Variants in KIAA1614 observed in about 807,000 individuals in gnomAD.
The protein encoded by KIAA1614 is KIAA1614.
In KIAA1614, 76 loss-of-function variants were observed where a neutral mutation model predicts 88.7. That is an observed-to-expected ratio of 0.86 (90% confidence interval 0.71 to 1.04). The LOEUF (loss-of-function observed/expected upper bound fraction) is 1.04. KIAA1614 is among the 50% of genes least tolerant of loss of function. The probability of loss-of-function intolerance (pLI) is 0.00; values close to 1 mark genes in which losing one functional copy is unlikely to be tolerated. For missense variants in KIAA1614, 1,553 were observed against 1,582.5 expected, an observed-to-expected ratio of 0.98 and a Z score of 0.32; for synonymous variants, 714 against 675.5, an observed-to-expected ratio of 1.06 and a Z score of -0.88.
chr1:180,917,697 A>G (rs530324006), intron 2 of KIAA1614, among the ~76,000 whole-genome samples, 154 bp from the exon 3 acceptor site: 3 of 152,262 alleles, frequency 2.0e-5, no homozygotes, highest in African/African-American at 7.2e-5. Flanking sequence ...AGTCATCGTG[A>G]CAGGCTCAGC....
intron 6 of KIAA1614, 95 bp downstream of exon 6, chr1:180,938,806 C>A: frequency 2.7e-6 from 3 of 1,111,284 alleles, no homozygotes; most frequent in Admixed American, 2.3e-5. Context: ...GCATGACCCA[C>A]CTCCCTGCCC....
chr1:180,944,219 T>C, intron 7 of KIAA1614, 170 bp from the exon 8 acceptor site: 1 of 609,372 alleles, frequency 1.6e-6, no homozygotes, highest in Non-Finnish European at 2.8e-6. Flanking sequence ...TGTAGACCCA[T>C]GATGTCCTTG....
rs558838331 is a variant in KIAA1614, at chr1:180,934,986, CTTGTGGG to C, written c.1206-125_1206-119del. ...CCCCAGAAATCCTCTCTGGAGTAAC[CTTGTGGG>C]TTGCGGTTGCCACAGAGCACGGTGG... On this transcript the variant is annotated intron_variant, in intron 4 of 8. Transcript: ENST00000367588. 9.9e-4 allele frequency: 596 copies of C among 600,304 alleles called. 2 individuals are homozygous for C. Among genetic ancestry groups the C allele is most frequent in the Admixed American group, 1.3e-3 (30 of 22,966 alleles). The allele number at this position is 600,304 out of a possible 1,614,324, so 37.2% of individuals were successfully genotyped here.
chr1:180,943,038 T>TTGTTGTTTGTTTG (rs1553260087), intron 7 of KIAA1614, among the ~76,000 whole-genome samples: 1 of 149,346 alleles, frequency 6.7e-6, no homozygotes, highest in African/African-American at 2.5e-5. Flanking sequence ...GTTTTTTTTT[T>TTGTTGTTTGTTTG]TTTTTTAAGA....
intron 4 of KIAA1614, among the ~76,000 whole-genome samples, chr1:180,929,958 C>T (rs1367690277): frequency 6.6e-6 from 1 of 152,184 alleles, no homozygotes; most frequent in East Asian, 1.9e-4. Flanking sequence ...GGCTAAGGAC[C>T]TTCATGGAAC....
chr1:180,935,436 G>T lies in KIAA1614; in HGVS notation c.1527G>T (p.Gln509His). The T allele has an allele frequency of 6.8e-7, 1 of 1,479,278 alleles. No individual in the cohort carries two copies. Among genetic ancestry groups the T allele is most frequent in the East Asian group, 2.4e-5 (1 of 42,398 alleles). The allele number at this position is 1,479,278 out of a possible 1,614,324, so 91.6% of individuals were successfully genotyped here. Residue 509 changes from glutamine to histidine, a missense_variant, in exon 5 of 9, where the codon CAG becomes CAT. By Grantham distance (24) the Gln-to-His change is conservative. Coordinates refer to ENST00000367588, the MANE Select transcript of KIAA1614 (RefSeq NM_020950.2). This position sits in a 1 kb window ranked among gnomAD's most constrained non-coding sequence, Gnocchi z 6.1. Reference sequence around the variant, plus strand: ...CTCCCCGGCTCCGGGACGCGGGGCAGGGGACATTCCACAGGCTTGTGGGCA... The same window carrying T: ...CTCCCCGGCTCCGGGACGCGGGGCATGGGACATTCCACAGGCTTGTGGGCA... ...NGAPRLRDAG[Q>H]GTFHRLVGSL...
At chr1:180,917,193 G>A in intron 2 of KIAA1614, 93 bp downstream of exon 2, 2 of 947,244 alleles carry the variant, frequency 2.1e-6, no homozygotes, top group Non-Finnish European at 3.2e-6. Context: ...AGAGGGAGTG[G>A]GGCAGGAAAG....
chr1:180,944,474 T>C lies in KIAA1614; in HGVS notation c.3245T>C (p.Leu1082Pro), dbSNP rs1189018715. 1.2e-6 allele frequency: 2 copies of C among 1,613,904 alleles called. No individual in the cohort carries two copies. The highest frequency in any genetic ancestry group is 3.3e-5 in the Admixed American group (2 of 60,018). ...AGCAGCAAGGGGAACCGGTCCAGCC[T>C]CTACCTGGTAGCAGGGCCAGGGGAC... is the stretch of plus-strand genomic sequence containing the variant. ...LLSSKGNRSS[L>P]YLVAGPGDHS... The change falls in exon 8 of 9, where the codon CTC (leucine) becomes CCC (proline). Residue 1082 changes from leucine (L) to proline (P), a missense_variant. Coordinates refer to ENST00000367588, the MANE Select transcript of KIAA1614 (RefSeq NM_020950.2).
chr1:180,930,788 G>A (rs911108968), intron 4 of KIAA1614, among the ~76,000 whole-genome samples: 6 of 152,256 alleles, frequency 3.9e-5, no homozygotes, highest in Non-Finnish European at 8.8e-5. Flanking sequence ...ACTTGGCAGC[G>A]CTGGCGAATC....
At chr1:180,941,001 T>TGC in intron 6 of KIAA1614, 44 bp from the exon 7 acceptor site, 4 of 385,872 alleles carry the variant, frequency 1.0e-5, no homozygotes, top group Non-Finnish European at 1.6e-5. Flanking sequence ...CTGGCCACCC[T>TGC]CCCGGCCCTC....
Position 180,928,428 on chromosome 1 carries a change from A to C in KIAA1614, c.1062-2A>C. ...CACCCTGGCCTGTGTGCCACGCTGCAGGACCGTTGGTCCCAACCCGGAGCC... is the reference window on the plus strand; with the variant it reads ...CACCCTGGCCTGTGTGCCACGCTGCCGGACCGTTGGTCCCAACCCGGAGCC... On this transcript the variant is annotated splice_acceptor_variant, in intron 3 of 8. Transcript: ENST00000367588. LOFTEE classifies it high-confidence loss of function. The C allele has an allele frequency of 6.2e-7, 1 of 1,610,388 alleles. No homozygotes were observed. Among genetic ancestry groups the C allele is most frequent in the Non-Finnish European group, 8.5e-7 (1 of 1,178,076 alleles).
At position 180,913,127 on chromosome 1, in the gene KIAA1614, G is replaced by A; in HGVS notation, c.-117G>A. On this transcript the variant is annotated 5_prime_UTR_variant, in exon 1 of 9. Coordinates refer to ENST00000367588, the MANE Select transcript of KIAA1614 (RefSeq NM_020950.2). ...CCCAGTCGGCCGCGCCCCGAGGGGC[G>A]AGGCCTGCGGGCCGCACTCCCTCCG... 1 of 765,942 alleles carries A rather than the reference G, an allele frequency of 1.3e-6. No homozygotes were observed. 47.4% of individuals were successfully genotyped at this position (765,942 alleles called of 1,614,324 possible). A position where few individuals can be genotyped will look rare whatever the true frequency, so the allele number is the denominator to read the frequency against.
intron 3 of KIAA1614, 194 bp from the exon 4 acceptor site, chr1:180,928,236 C>A (rs1654111823): frequency 1.6e-6 from 1 of 626,476 alleles, no homozygotes; most frequent in Non-Finnish European, 2.6e-6. Flanking sequence ...CACGCAGGGC[C>A]ATTTCCCAGC....
At position 180,913,279 on chromosome 1, in the gene KIAA1614, G is replaced by C. The variant is rs925265232; in HGVS notation, c.36G>C (p.Ala12=). Residue 12 remains alanine (A), a synonymous_variant, in exon 1 of 9, where the codon GCG becomes GCC. Transcript: ENST00000367588. Reference sequence around the variant, plus strand: ...CAGAGGCGGCGGCGGCCAAACCCGCGGGCGGCAGCCCCCAGTGAGTATAGA... The same window carrying C: ...CAGAGGCGGCGGCGGCCAAACCCGCCGGCGGCAGCCCCCAGTGAGTATAGA... ...EGTEAAAAKP[A]GGSPQGPKTG... 3 of 1,258,586 alleles carry C rather than the reference G, an allele frequency of 2.4e-6. No individual in the cohort carries two copies. The African/African-American group carries it at 4.7e-5, about 20-fold the overall frequency. 78.0% of individuals were successfully genotyped at this position (1,258,586 alleles called of 1,614,324 possible).
At chr1:180,939,310 T>G (rs1401799675) in intron 6 of KIAA1614, among the ~76,000 whole-genome samples, 1 of 152,232 alleles carries the variant, frequency 6.6e-6, no homozygotes, top group African/African-American at 2.4e-5. Flanking sequence ...TAGCACCATC[T>G]GCTCTCCAGA....
At chr1:180,914,723 G>T (rs1165233713) in intron 1 of KIAA1614, among the ~76,000 whole-genome samples, 1 of 151,406 alleles carries the variant, frequency 6.6e-6, no homozygotes, top group African/African-American at 2.4e-5. Context: ...CTAATTTTTT[G>T]TATTTTTTAT....
At chr1:180,922,491 A>G (rs1653977798) in intron 3 of KIAA1614, among the ~76,000 whole-genome samples, 2 of 151,986 alleles carry the variant, frequency 1.3e-5, no homozygotes, top group Non-Finnish European at 2.9e-5. Flanking sequence ...TGGGGGGTAA[A>G]AACTCCCTCC....
In KIAA1614 at chr1:180,935,241, C is replaced by A. The variant is rs1351933517; in HGVS notation, c.1332C>A (p.Gly444=). The change falls in exon 5 of 9, where the codon GGC becomes GGA. Residue 444 remains glycine (G), a synonymous_variant. Transcript: ENST00000367588. This position sits in a 1 kb window ranked among gnomAD's most constrained non-coding sequence, Gnocchi z 6.1. ...ESSGGHRPRR[G]PSPSHVRFED... The stretch of plus-strand genomic sequence containing the variant: ...GCGGTGGGCACAGGCCGAGGCGGGG[C>A]CCCTCGCCGTCGCACGTGCGCTTTG... The A allele has an allele frequency of 7.2e-6, 11 of 1,530,286 alleles. No homozygotes were observed. The highest frequency in any genetic ancestry group is 9.6e-6 in the Non-Finnish European group (11 of 1,142,056). The allele number at this position is 1,530,286 out of a possible 1,614,324, so 94.8% of individuals were successfully genotyped here. A position where few individuals can be genotyped will look rare whatever the true frequency, so the allele number is the denominator to read the frequency against.
intron 3 of KIAA1614, among the ~76,000 whole-genome samples, chr1:180,926,784 C>T (rs1162702050): frequency 6.6e-6 from 1 of 152,252 alleles, no homozygotes; most frequent in East Asian, 1.9e-4. Context: ...CCAGGGAGCA[C>T]AGCTGCTCTC....
Sources: gnomAD v4.1 joint callset for allele counts (sites outside exome capture counted in the v4.1 genomes callset) on GRCh38, gnomAD v4.1.1 for gene constraint, Gnocchi (gnomAD v3.1) non-coding constraint, MANE v1.5 for transcripts, NCBI Gene and HGNC (gene_info 2026-07-23, HGNC 2026-07-21) for gene names.